The following KCNAB1 variants were observed in gnomAD, a reference collection of about 807,000 sequenced individuals.
The protein encoded by KCNAB1 is potassium voltage-gated channel subfamily A regulatory beta subunit 1.
Under a neutral mutation model 64.6 loss-of-function variants are expected in KCNAB1, and 35 were observed. The observed-to-expected ratio is 0.54, with a 90% CI of 0.41 to 0.72. The LOEUF (loss-of-function observed/expected upper bound fraction) is 0.72. KCNAB1 is among the 30% of genes least tolerant of loss of function. KCNAB1 has a pLI of 0.00. For missense variants in KCNAB1, 401 were observed against 512.9 expected (o/e 0.78, Z 2.11); for synonymous variants, 177 against 183.8 (o/e 0.96, Z 0.30).
rs79484437 is a variant in KCNAB1 at position 156,214,750 on chromosome 3, A to G, written c.275+93864A>G. Among the ~76,000 whole-genome samples the G allele has an allele frequency of 1.9e-3, 289 of 152,352 alleles. 2 individuals carry two copies. The highest frequency in any genetic ancestry group is 6.1e-3 in the African/African-American group (252 of 41,576). On this transcript the variant is annotated intron_variant, in intron 1 of 13. Coordinates refer to ENST00000490337, the MANE Select transcript of KCNAB1 (RefSeq NM_172160.3). Reference sequence around the variant, plus strand: ...TGATTTAACAAGTTTTCACAGCTCAATTGAAGCCAAAACTAATTTCTCAAA... The same window carrying G: ...TGATTTAACAAGTTTTCACAGCTCAGTTGAAGCCAAAACTAATTTCTCAAA...
chr3:156,218,176 G>A (rs538952774), intron 1 of KCNAB1: 64 of 152,502 alleles, frequency 4.2e-4, no homozygotes, highest in African/African-American at 1.5e-3. Context: ...CCGGCCTTTA[G>A]GACTGTGGGC....
intron 1 of KCNAB1, chr3:156,143,572 T>TTTTGG (rs1257723483): frequency 9.2e-5 from 5 of 54,196 alleles, no homozygotes; most frequent in African/African-American, 2.3e-4. Flanking sequence ...CATTCTTGTT[T>TTTTGG]TTTTTTTTTT....
At position 156,176,297 on chromosome 3, in the gene KCNAB1, T is replaced by G. The variant is rs919154342; in HGVS notation, c.275+55411T>G. 3.0e-6 allele frequency: 3 copies of G among 988,606 alleles called. No homozygotes were observed. The African/African-American group carries it at 4.8e-5, about 16-fold the overall frequency. The allele number at this position is 988,606 out of a possible 1,614,324, so 61.2% of individuals were successfully genotyped here. A position where few individuals can be genotyped will look rare whatever the true frequency, so the allele number is the denominator to read the frequency against. On this transcript the variant is annotated intron_variant, in intron 1 of 13. Coordinates refer to ENST00000490337, the MANE Select transcript of KCNAB1 (RefSeq NM_172160.3). ...ATATCATTGTCTATTCCACCAGAAA[T>G]AATCTGATCACTTGTGTCATTGAAG...
At chr3:156,459,488 C>CT (rs1189919967) in intron 4 of KCNAB1, among the ~76,000 whole-genome samples, 1 of 152,124 alleles carries the variant, frequency 6.6e-6, no homozygotes, top group Admixed American at 6.6e-5. Context: ...AGAAGGAAAA[C>CT]TGACTCCCTT....
At chr3:156,357,157 G>A (rs538536949) in intron 1 of KCNAB1, among the ~76,000 whole-genome samples, 37 of 133,572 alleles carry the variant, frequency 2.8e-4, no homozygotes, top group South Asian at 8.7e-4. Flanking sequence ...ACACATGTGC[G>A]CGCACACACA....
chr3:156,221,743 A>G (rs1576619358), intron 1 of KCNAB1, among the ~76,000 whole-genome samples: 1 of 147,240 alleles, frequency 6.8e-6, no homozygotes, highest in Non-Finnish European at 1.5e-5. Flanking sequence ...ATGACATTAC[A>G]CTCCAGCCTG....
At chr3:156,318,601 C>T (rs898525775) in intron 1 of KCNAB1, among the ~76,000 whole-genome samples, 12 of 152,170 alleles carry the variant, frequency 7.9e-5, no homozygotes, top group Middle Eastern at 3.4e-3. Flanking sequence ...CCTATAAGAG[C>T]GTATGGCACA....
chr3:156,153,852 T>G (rs186517604), intron 1 of KCNAB1, among the ~76,000 whole-genome samples: 130 of 152,334 alleles, frequency 8.5e-4, no homozygotes, highest in Non-Finnish European at 1.7e-3. Context: ...TTGGCTCTCT[T>G]GCATCTCCAA....
chr3:156,497,887 G>C (rs1388020304), intron 8 of KCNAB1, among the ~76,000 whole-genome samples: 1 of 152,182 alleles, frequency 6.6e-6, no homozygotes, highest in Non-Finnish European at 1.5e-5. Flanking sequence ...CGAAAAGTTT[G>C]TGGAAAAATG....
chr3:156,395,510 A>G (rs886901141), intron 1 of KCNAB1, among the ~76,000 whole-genome samples: 3 of 125,786 alleles, frequency 2.4e-5, no homozygotes, highest in East Asian at 5.4e-4. Flanking sequence ...CCGCCACTGC[A>G]CTCCAGCCTG....
chr3:156,481,773 G>A (rs1419580161), intron 8 of KCNAB1, among the ~76,000 whole-genome samples: 1 of 152,108 alleles, frequency 6.6e-6, no homozygotes, highest in Non-Finnish European at 1.5e-5. Flanking sequence ...CTATCAGACT[G>A]TACACTTGGG....
intron 1 of KCNAB1, among the ~76,000 whole-genome samples, chr3:156,266,188 C>G (rs1487544580): frequency 6.6e-6 from 1 of 151,492 alleles, no homozygotes; most frequent in Non-Finnish European, 1.5e-5. Context: ...CTCATTCCTA[C>G]CCCTCTGCCA....
In KCNAB1 at chr3:156,352,235, G is replaced by T. The variant is rs1003974171; in HGVS notation, c.276-69381G>T. 1.1e-3 allele frequency among the ~76,000 whole-genome samples: 162 copies of T among 152,284 alleles called. 1 individual carries two copies. The highest frequency in any genetic ancestry group is 1.1e-3 in the Non-Finnish European group (73 of 68,020). On this transcript the variant is annotated intron_variant, in intron 1 of 13. Transcript: ENST00000490337. ...TCCCGGGGACCCGCATCAATGTCTA[G>T]TTCTCTTCCTTCCTCTGGCTGCCTC...
At chr3:156,455,803 G>A (rs1328282489) in intron 3 of KCNAB1, among the ~76,000 whole-genome samples, 3 of 152,140 alleles carry the variant, frequency 2.0e-5, no homozygotes, top group East Asian at 1.9e-4. Context: ...GGAAACCTAG[G>A]CCTCAATTAG....
At chr3:156,524,160 T>C (rs7619602) in intron 12 of KCNAB1, 173,388 of 493,938 alleles carry the variant, frequency 0.35, 32,751 homozygotes, top group Middle Eastern at 0.44. Flanking sequence ...TTCTCCTTGC[T>C]CTTATAACAT....
chr3:156,172,559 C>T (rs1314230589), intron 1 of KCNAB1, among the ~76,000 whole-genome samples: 1 of 152,044 alleles, frequency 6.6e-6, no homozygotes, highest in East Asian at 1.9e-4. Context: ...GGATTACAGG[C>T]GCGAGCCACC....
intron 1 of KCNAB1, among the ~76,000 whole-genome samples, chr3:156,197,481 C>T (rs1714030528): frequency 6.6e-6 from 1 of 152,146 alleles, no homozygotes; most frequent in African/African-American, 2.4e-5. Flanking sequence ...GCCTCAATTT[C>T]AGAACTTGTT....
intron 1 of KCNAB1, among the ~76,000 whole-genome samples, chr3:156,415,169 C>T (rs1160813063): frequency 6.6e-6 from 1 of 152,182 alleles, no homozygotes; most frequent in Non-Finnish European, 1.5e-5. Flanking sequence ...TCTTGAAAGT[C>T]ACAGAGGCAG....
At chr3:156,295,006 G>A (rs533845383) in intron 1 of KCNAB1, among the ~76,000 whole-genome samples, 2 of 152,310 alleles carry the variant, frequency 1.3e-5, no homozygotes, top group Non-Finnish European at 2.9e-5. Context: ...ACACAAAGGT[G>A]CAGAAGCCAG....
Sources: allele counts gnomAD v4.1 joint callset (sites outside exome capture counted in the v4.1 genomes callset), GRCh38; gene constraint gnomAD v4.1.1; transcripts MANE v1.5; gene names NCBI Gene and HGNC (gene_info 2026-07-23, HGNC 2026-07-21).